Variants in CACNA1A observed in about 807,000 individuals in gnomAD.
CACNA1A encodes calcium voltage-gated channel subunit alpha1 A.
CACNA1A carries 57 observed loss-of-function variants against 262.4 expected under a neutral mutation model. That is an observed-to-expected ratio of 0.22 (90% CI 0.18 to 0.27). The LOEUF is 0.27. Among genes scored for constraint, CACNA1A ranks in the 10% least tolerant of loss-of-function variants. The probability of loss-of-function intolerance (pLI) is 1.00; values close to 1 mark genes in which losing one functional copy is unlikely to be tolerated. For synonymous variants in CACNA1A, 1,431 were observed against 1,419.3 expected (o/e 1.01, Z -0.18); for missense variants, 2,526 against 3,562.8 (o/e 0.71, Z 7.41).
In CACNA1A at chr19:13,209,360, G is replaced by C. The variant is rs2054715959; in HGVS notation, c.6478C>G (p.His2160Asp). Residue 2160 changes from histidine to aspartate, a missense_variant, in exon 45 of 47, where the codon CAC becomes GAC. His to Asp is a moderately conservative substitution (Grantham distance 81). This residue lies in a region of CACNA1A where 929 missense variants were observed against 868.1 expected (regional missense o/e 1.07). Coordinates refer to ENST00000360228, the MANE Select transcript of CACNA1A (RefSeq NM_001127222.2). ...RHHQRRRDRSHRASERSLGRY... is the reference protein window; with the variant it reads ...RHHQRRRDRSDRASERSLGRY... ...CCCAGGGAGCGCTCAGAGGCGCGGT[G>C]GCTGCGGTCGCGGCGCCGCTGGTGG... 3 of 1,390,678 alleles carry C rather than the reference G, an allele frequency of 2.2e-6. No homozygotes were observed. The African/African-American group carries it at 4.5e-5, about 21-fold the overall frequency. The allele number at this position is 1,390,678 out of a possible 1,614,324, so 86.1% of individuals were successfully genotyped here.
At chr19:13,430,530 T>C (rs576324575) in intron 3 of CACNA1A, among the ~76,000 whole-genome samples, 20 of 152,220 alleles carry the variant, frequency 1.3e-4, no homozygotes, top group Non-Finnish European at 2.5e-4. Context: ...CAGGAGGAGA[T>C]AGCACATGGA....
rs1441848148 is a variant in CACNA1A at position 13,286,726 on chromosome 19, A to G, written c.3330T>C (p.Pro1110=). 3 of 1,596,782 alleles carry G rather than the reference A, an allele frequency of 1.9e-6. No individual in the cohort carries two copies. Among genetic ancestry groups the G allele is most frequent in the African/African-American group, 2.7e-5 (2 of 74,214 alleles). Residue 1110 remains proline (P), a synonymous_variant, in exon 20 of 47, where the codon CCT becomes CCC. Transcript: ENST00000360228. ...CGTTCTGGGGGTTGGTGGCCATGGC[A>G]GGGATGGCCAGCATGGGGCCGGGGT... ...STDPGPMLAI[P]AMATNPQNAA...
At chr19:13,245,375 G>A (rs1310094016) in intron 30 of CACNA1A, 110 bp from the exon 31 acceptor site, 3 of 812,338 alleles carry the variant, frequency 3.7e-6, no homozygotes, top group African/African-American at 1.7e-5. Context: ...CGGAGTGCCC[G>A]GGACAGTTAT....
chr19:13,365,473 G>A lies in CACNA1A; in HGVS notation c.632-4C>T. The A allele has an allele frequency of 1.2e-6, 2 of 1,613,078 alleles. No homozygotes were observed. The highest frequency in any genetic ancestry group is 1.7e-6 in the Non-Finnish European group (2 of 1,179,396). ...GACTTCAGGACGACTTGTAAACCTG[G>A]GGGGACACAGAGAGAGGCCCCATAA... On this transcript the variant is annotated splice_polypyrimidine_tract_variant and splice_region_variant and intron_variant, in intron 4 of 46. Transcript: ENST00000360228.
chr19:13,503,185 C>T (rs1328417681), intron 1 of CACNA1A, among the ~76,000 whole-genome samples: 1 of 152,014 alleles, frequency 6.6e-6, no homozygotes, highest in South Asian at 2.1e-4. Flanking sequence ...GCAAAAGAAG[C>T]CAGTGGCAAA....
At chr19:13,409,796 G>A (rs1490802943) in intron 3 of CACNA1A, among the ~76,000 whole-genome samples, 5 of 152,112 alleles carry the variant, frequency 3.3e-5, no homozygotes, top group Non-Finnish European at 7.3e-5. Flanking sequence ...AGTGAATCAG[G>A]AGTTCAAGCA....
intron 3 of CACNA1A, among the ~76,000 whole-genome samples, chr19:13,381,110 C>T (rs75887867): frequency 0.014 from 2,152 of 152,236 alleles, 39 homozygotes; most frequent in South Asian, 0.084. Flanking sequence ...ACCTGCTGGG[C>T]ACAAAAGCTC....
chr19:13,381,191 C>T (rs1382288902), intron 3 of CACNA1A, among the ~76,000 whole-genome samples: 2 of 151,966 alleles, frequency 1.3e-5, no homozygotes. Flanking sequence ...TCCAGACCAG[C>T]CTGAGCAACA....
intron 24 of CACNA1A, chr19:13,271,591 A>G (rs547007662): frequency 1.3e-5 from 2 of 152,308 alleles, no homozygotes; most frequent in South Asian, 4.1e-4. Context: ...TGTTTAAAAG[A>G]GGAGGCTAAT....
intron 3 of CACNA1A, among the ~76,000 whole-genome samples, chr19:13,436,721 T>C (rs952468314): frequency 3.9e-5 from 6 of 152,132 alleles, no homozygotes; most frequent in Admixed American, 3.3e-4. Context: ...ATAGACAACA[T>C]TAAGAGGATT....
In CACNA1A at chr19:13,301,321, C is replaced by T. The variant is rs147870858; in HGVS notation, c.2173-665G>A. Among the ~76,000 whole-genome samples the T allele has an allele frequency of 4.4e-3, 667 of 152,264 alleles. 3 individuals carry two copies. Among genetic ancestry groups the T allele is most frequent in the South Asian group, 0.014 (69 of 4,830 alleles). ...TTTTCCTCTCACTAGGCTTTCTGAGCCATGTGAACTCTCTGAACCAACTTT... is the reference window on the plus strand; with the variant it reads ...TTTTCCTCTCACTAGGCTTTCTGAGTCATGTGAACTCTCTGAACCAACTTT... On this transcript the variant is annotated intron_variant, in intron 17 of 46. Transcript: ENST00000360228.
chr19:13,338,428 T>C (rs2058615705), intron 6 of CACNA1A, among the ~76,000 whole-genome samples: 3 of 152,146 alleles, frequency 2.0e-5, no homozygotes, highest in East Asian at 3.9e-4. Flanking sequence ...TAGATAGTAA[T>C]TCCGAAATAG....
chr19:13,464,596 C>T (rs1413169292), intron 1 of CACNA1A, among the ~76,000 whole-genome samples: 2 of 144,486 alleles, frequency 1.4e-5, no homozygotes, highest in African/African-American at 2.6e-5. Flanking sequence ...TCGCCCAGGC[C>T]AGACTGCAGT....
rs145098516 is a variant in CACNA1A, at chr19:13,404,989, C to T, written c.540-33210G>A. Among the ~76,000 whole-genome samples, 480 of 145,572 alleles carry T rather than the reference C, an allele frequency of 3.3e-3. 1 individual carries two copies. Among genetic ancestry groups the T allele is most frequent in the African/African-American group, 0.011 (440 of 39,284 alleles). On this transcript the variant is annotated intron_variant, in intron 3 of 46. Coordinates refer to ENST00000360228, the MANE Select transcript of CACNA1A (RefSeq NM_001127222.2). ...TCGGCTCACTGCAACTTCCACCTCC[C>T]GGGTTCAAGCGATTCTCCTGCCTCA...
intron 1 of CACNA1A, among the ~76,000 whole-genome samples, chr19:13,463,169 AG>A (rs2061156929): frequency 6.6e-6 from 1 of 151,852 alleles, no homozygotes; most frequent in Admixed American, 6.6e-5. Flanking sequence ...AATAGAATGC[AG>A]GTGCACTTGG....
chr19:13,503,800 A>G (rs982887261), intron 1 of CACNA1A, among the ~76,000 whole-genome samples: 9 of 152,014 alleles, frequency 5.9e-5, no homozygotes, highest in African/African-American at 2.2e-4. Flanking sequence ...GTCTGCAGAG[A>G]GCATAATGCA....
At chr19:13,219,670 G>A (rs1046909837) in intron 38 of CACNA1A, among the ~76,000 whole-genome samples, 3 of 152,034 alleles carry the variant, frequency 2.0e-5, no homozygotes, top group Non-Finnish European at 4.4e-5. Context: ...TTAAAATACC[G>A]GAGGCCCGGT....
rs763504817 is a variant in CACNA1A at position 13,262,797 on chromosome 19, T to C, written c.4026A>G (p.Lys1342=). ...NSKGKDINTI[K]SLRVLRVLRP... is the part of the protein sequence containing the mutation. ...GTAGCACCCGGAGGACTCGGAGGGATTTAATCGTGTTGATGTCTTTTCCTT... is the reference window on the plus strand; with the variant it reads ...GTAGCACCCGGAGGACTCGGAGGGACTTAATCGTGTTGATGTCTTTTCCTT... The change falls in exon 25 of 47, where the codon AAA becomes AAG. Residue 1342 remains lysine (K), a synonymous_variant. Coordinates refer to ENST00000360228, the MANE Select transcript of CACNA1A (RefSeq NM_001127222.2). 2.5e-6 allele frequency: 4 copies of C among 1,613,348 alleles called. No homozygotes were observed. Among genetic ancestry groups the C allele is most frequent in the Non-Finnish European group, 2.5e-6 (3 of 1,179,558 alleles).
At chr19:13,418,407 C>T (rs762888515) in intron 3 of CACNA1A, among the ~76,000 whole-genome samples, 3 of 152,124 alleles carry the variant, frequency 2.0e-5, no homozygotes, top group Non-Finnish European at 4.4e-5. Flanking sequence ...ACAGTGAACC[C>T]TCCAGAAGTT....
Sources: allele counts gnomAD v4.1 joint callset (sites outside exome capture counted in the v4.1 genomes callset), GRCh38; gene constraint gnomAD v4.1.1; regional missense constraint gnomAD v4.1.1; transcripts MANE v1.5; gene names NCBI Gene and HGNC (gene_info 2026-07-23, HGNC 2026-07-21).